Variants in MDFIC2 observed in about 807,000 individuals in gnomAD.
The protein encoded by MDFIC2 is MyoD family inhibitor domain containing 2.
chr3:70,310,375 TA>T (rs1481027413), intron 2 of MDFIC2, among the ~76,000 whole-genome samples: 1 of 151,988 alleles, frequency 6.6e-6, no homozygotes, highest in East Asian at 1.9e-4. Context: ...GTATTATTAT[TA>T]TTTTTTTGAG....
chr3:70,304,824 A>G (rs1183440255), intron 2 of MDFIC2, among the ~76,000 whole-genome samples: 1 of 152,178 alleles, frequency 6.6e-6, no homozygotes, highest in Non-Finnish European at 1.5e-5. Context: ...AAAAATATCC[A>G]GATTCCCAAC....
intron 2 of MDFIC2, among the ~76,000 whole-genome samples, chr3:70,308,665 G>A (rs1487414030): frequency 1.3e-5 from 2 of 152,140 alleles, no homozygotes; most frequent in Admixed American, 6.6e-5. Flanking sequence ...GTGCAGGAGA[G>A]TATTTCTTTT....
At chr3:70,218,661 G>C (rs1454793067) in intron 2 of MDFIC2, among the ~76,000 whole-genome samples, 1 of 152,038 alleles carries the variant, frequency 6.6e-6, no homozygotes, top group Non-Finnish European at 1.5e-5. Flanking sequence ...CCTCCCAGCA[G>C]AACTATTCCT....
intron 2 of MDFIC2, among the ~76,000 whole-genome samples, chr3:70,296,755 A>T (rs1016438105): frequency 6.6e-6 from 1 of 152,034 alleles, no homozygotes; most frequent in African/African-American, 2.4e-5. Flanking sequence ...TGCTTGGGCT[A>T]CTATAAGCCC....
intron 2 of MDFIC2, among the ~76,000 whole-genome samples, chr3:70,280,361 G>A (rs980777118): frequency 6.6e-6 from 1 of 152,112 alleles, no homozygotes; most frequent in Non-Finnish European, 1.5e-5. Flanking sequence ...AATATGTACA[G>A]GTTCCAGGAA....
chr3:70,307,322 T>C (rs1427433814), intron 2 of MDFIC2, among the ~76,000 whole-genome samples: 3 of 152,112 alleles, frequency 2.0e-5, no homozygotes, highest in Non-Finnish European at 4.4e-5. Flanking sequence ...TCGTGTGCAC[T>C]TCAAACGCTG....
At chr3:70,262,708 G>A (rs907081281) in intron 2 of MDFIC2, among the ~76,000 whole-genome samples, 5 of 152,066 alleles carry the variant, frequency 3.3e-5, no homozygotes, top group Non-Finnish European at 7.4e-5. Flanking sequence ...GCCTTGCTTG[G>A]GGTTATTGGA....
chr3:70,307,870 A>C (rs1702417200), intron 2 of MDFIC2, among the ~76,000 whole-genome samples: 1 of 152,170 alleles, frequency 6.6e-6, no homozygotes, highest in African/African-American at 2.4e-5. Context: ...GTATATGAAT[A>C]ATCAGCCAAT....
chr3:70,304,620 C>T (rs977491840), intron 2 of MDFIC2, among the ~76,000 whole-genome samples: 1 of 152,206 alleles, frequency 6.6e-6, no homozygotes, highest in Non-Finnish European at 1.5e-5. Context: ...TCTAACTTTG[C>T]ATAGACCTAA....
At position 70,272,582 on chromosome 3, in the gene MDFIC2, C is replaced by T. The variant is rs112087137; in HGVS notation, c.88+39304G>A. On this transcript the variant is annotated intron_variant, in intron 2 of 3. Transcript: ENST00000567252. ...ATAAACATTCCCGTACAGGTCTTTA[C>T]GTGGACATATGTTTTTATTTCTCTT... Among the ~76,000 whole-genome samples, 58 of 152,264 alleles carry T rather than the reference C, an allele frequency of 3.8e-4. 1 individual carries two copies. Among genetic ancestry groups the T allele is most frequent in the African/African-American group, 1.3e-3 (55 of 41,542 alleles).
intron 2 of MDFIC2, among the ~76,000 whole-genome samples, chr3:70,266,677 C>A (rs1701919628): frequency 6.6e-6 from 1 of 152,044 alleles, no homozygotes; most frequent in South Asian, 2.1e-4. Context: ...AACTCCTAGG[C>A]CCAAGAGATT....
intron 2 of MDFIC2, among the ~76,000 whole-genome samples, chr3:70,227,324 C>A (rs1701517162): frequency 6.6e-6 from 1 of 152,170 alleles, no homozygotes; most frequent in South Asian, 2.1e-4. Context: ...TGATAACAGT[C>A]TCTCTAGTTT....
At chr3:70,308,885 C>T (rs1702429550) in intron 2 of MDFIC2, among the ~76,000 whole-genome samples, 1 of 152,070 alleles carries the variant, frequency 6.6e-6, no homozygotes. Flanking sequence ...TCAGTGACTC[C>T]AGTGAAGTGC....
At chr3:70,209,457 A>G (rs72941588) in intron 2 of MDFIC2, among the ~76,000 whole-genome samples, 2,902 of 152,198 alleles carry the variant, frequency 0.019, 86 homozygotes, top group African/African-American at 0.065. Flanking sequence ...ATTGAACTTA[A>G]GCATCACAAA....
At chr3:70,198,218 T>C (rs1169681155) in intron 3 of MDFIC2, among the ~76,000 whole-genome samples, 1 of 152,096 alleles carries the variant, frequency 6.6e-6, no homozygotes, top group Non-Finnish European at 1.5e-5. Context: ...AGAGAAAAAA[T>C]TTCTCCTCTA....
At chr3:70,234,214 C>A (rs1223734369) in intron 2 of MDFIC2, among the ~76,000 whole-genome samples, 1 of 152,168 alleles carries the variant, frequency 6.6e-6, no homozygotes, top group African/African-American at 2.4e-5. Flanking sequence ...GTATTCTAGA[C>A]ACTTAGAGGG....
At chr3:70,237,413 T>C (rs1472375534) in intron 2 of MDFIC2, among the ~76,000 whole-genome samples, 1 of 152,236 alleles carries the variant, frequency 6.6e-6, no homozygotes, top group Non-Finnish European at 1.5e-5. Context: ...CTTTTCTATC[T>C]TGACCTCTTT....
intron 2 of MDFIC2, among the ~76,000 whole-genome samples, chr3:70,222,863 T>C (rs1035826425): frequency 3.3e-5 from 5 of 152,182 alleles, no homozygotes; most frequent in Non-Finnish European, 5.9e-5. Flanking sequence ...AGGAATGCTA[T>C]TTGCTATTGT....
intron 2 of MDFIC2, among the ~76,000 whole-genome samples, chr3:70,295,995 A>G (rs1036748197): frequency 6.6e-6 from 1 of 152,188 alleles, no homozygotes; most frequent in African/African-American, 2.4e-5. Flanking sequence ...TGCTTTTTGT[A>G]CATGTATTTA....
Sources: gnomAD v4.1 joint callset for allele counts (sites outside exome capture counted in the v4.1 genomes callset) on GRCh38, gnomAD v4.1.1 for gene constraint, MANE v1.5 for transcripts, NCBI Gene and HGNC (gene_info 2026-07-23, HGNC 2026-07-21) for gene names.